Variants in CSMD1 observed in about 807,000 individuals in gnomAD.
CSMD1 encodes CUB and Sushi multiple domains 1, also known as CUB and sushi domain-containing protein 1.
In CSMD1, 213 loss-of-function variants were observed where a neutral mutation model predicts 417.5. That is an observed-to-expected ratio of 0.51 (90% CI 0.46 to 0.57). CSMD1 has a LOEUF of 0.57. Among genes scored for constraint, CSMD1 ranks in the 20% least tolerant of loss-of-function variants. The probability of loss-of-function intolerance (pLI) is 0.00; values close to 1 mark genes in which losing one functional copy is unlikely to be tolerated. For synonymous variants in CSMD1, 2,862 were observed against 1,736.8 expected (o/e 1.65, Z -16.11); for missense variants, 6,923 against 4,529.7 (o/e 1.53, Z -15.17).
intron 8 of CSMD1, among the ~76,000 whole-genome samples, chr8:3,609,391 T>G (rs1287468391): frequency 6.6e-6 from 1 of 152,266 alleles, no homozygotes; most frequent in Non-Finnish European, 1.5e-5. Flanking sequence ...GACAGTGGTC[T>G]ATGGTGAAAA....
Position 3,000,046 on chromosome 8 carries a change from C to G in CSMD1, c.8115G>C (p.Gln2705His), listed in dbSNP as rs545442675. 28 of 1,605,368 alleles carry G rather than the reference C, an allele frequency of 1.7e-5. No homozygotes were observed. Among genetic ancestry groups the G allele is most frequent in the Non-Finnish European group, 2.3e-5 (27 of 1,178,254 alleles). Residue 2705 changes from glutamine (Q) to histidine (H), a missense_variant, in exon 53 of 70, where the codon CAG becomes CAC. Physicochemically the swap from Gln to His is conservative, Grantham distance 24 (BLOSUM62 0). Coordinates refer to ENST00000635120, the MANE Select transcript of CSMD1 (RefSeq NM_033225.6). The part of the protein sequence containing the change: ...GFSYRDTVVY[Q>H]CNPGFRLVGT... ...CCACAAGCCGGAAACCAGGATTGCA[C>G]TGGTAAACCACCGTGTCTCTGTAAC...
chr8:4,263,919 A>C lies in CSMD1; in HGVS notation c.415+156034T>G, dbSNP rs1466319827. Among the ~76,000 whole-genome samples the C allele has an allele frequency of 2.0e-5, 3 of 152,162 alleles. No homozygotes were observed. The East Asian group carries it at 5.8e-4, about 29-fold the overall frequency. ...GACACAATAGTCCTGCAGTTTTCTA[A>C]ATACAGTGTTTTTCTATCTATATAA... On this transcript the variant is annotated intron_variant, in intron 3 of 69. Coordinates refer to ENST00000635120, the MANE Select transcript of CSMD1 (RefSeq NM_033225.6).
chr8:3,680,753 C>G (rs185518496), intron 7 of CSMD1, among the ~76,000 whole-genome samples: 1,916 of 152,200 alleles, frequency 0.013, 21 homozygotes, highest in Non-Finnish European at 0.02. Flanking sequence ...AATTTTAGAC[C>G]AATATCCCTG....
chr8:4,800,083 C>A (rs943063019), intron 1 of CSMD1, among the ~76,000 whole-genome samples: 8 of 152,044 alleles, frequency 5.3e-5, no homozygotes, highest in Non-Finnish European at 1.0e-4. Context: ...AATTGAATAT[C>A]CTGTGTATTT....
At chr8:4,811,695 A>T (rs1208800977) in intron 1 of CSMD1, among the ~76,000 whole-genome samples, 1 of 152,064 alleles carries the variant, frequency 6.6e-6, no homozygotes. Flanking sequence ...GAGTCACAGA[A>T]ATAAGAAAAA....
intron 5 of CSMD1, among the ~76,000 whole-genome samples, chr8:3,988,779 C>T (rs1394015248): frequency 6.6e-6 from 1 of 152,178 alleles, no homozygotes; most frequent in Non-Finnish European, 1.5e-5. Flanking sequence ...TGAAACAATG[C>T]TGATTATGGT....
At chr8:4,603,206 C>T (rs1437073310) in intron 2 of CSMD1, among the ~76,000 whole-genome samples, 3 of 151,962 alleles carry the variant, frequency 2.0e-5, no homozygotes, top group African/African-American at 7.2e-5. Context: ...TGACTGCACA[C>T]CAAAGCAATA....
At chr8:4,421,507 C>A (rs1489578021) in intron 2 of CSMD1, among the ~76,000 whole-genome samples, 1 of 151,934 alleles carries the variant, frequency 6.6e-6, no homozygotes, top group Non-Finnish European at 1.5e-5. Flanking sequence ...ACAGTGGAAT[C>A]AAATTAGAAA....
At chr8:4,023,583 C>CA (rs1796895667) in intron 4 of CSMD1, among the ~76,000 whole-genome samples, 1 of 130,504 alleles carries the variant, frequency 7.7e-6, no homozygotes, top group East Asian at 2.3e-4. Flanking sequence ...TGCTTTTCAA[C>CA]TTTTTTTTTT....
intron 5 of CSMD1, among the ~76,000 whole-genome samples, chr8:3,984,402 G>A (rs185070528): frequency 6.6e-6 from 1 of 152,040 alleles, no homozygotes; most frequent in Non-Finnish European, 1.5e-5. Context: ...TTCTAAACTG[G>A]TGAGTACTTT....
At chr8:4,420,290 C>T (rs1387090070) in intron 2 of CSMD1, among the ~76,000 whole-genome samples, 1 of 151,996 alleles carries the variant, frequency 6.6e-6, no homozygotes. Context: ...AGAATTTCTT[C>T]TTGAAAATAC....
At chr8:4,619,831 T>C (rs1801670282) in intron 2 of CSMD1, among the ~76,000 whole-genome samples, 2 of 152,134 alleles carry the variant, frequency 1.3e-5, no homozygotes, top group South Asian at 2.1e-4. Flanking sequence ...ATATGTTTTG[T>C]TTGGAATTAA....
intron 7 of CSMD1, among the ~76,000 whole-genome samples, chr8:3,678,368 G>C (rs139114539): frequency 2.0e-5 from 3 of 152,166 alleles, no homozygotes; most frequent in Non-Finnish European, 2.9e-5. Context: ...GAAAACCATG[G>C]CACGGGAACT....
intron 6 of CSMD1, among the ~76,000 whole-genome samples, chr8:3,726,569 G>A (rs1178958293): frequency 6.6e-6 from 1 of 152,144 alleles, no homozygotes; most frequent in Non-Finnish European, 1.5e-5. Context: ...CATGTTTTCA[G>A]GAGAAGCAGG....
chr8:3,948,100 G>A (rs1049370720), intron 5 of CSMD1, among the ~76,000 whole-genome samples: 2 of 152,070 alleles, frequency 1.3e-5, no homozygotes, highest in Non-Finnish European at 2.9e-5. Context: ...CAGCTACTCC[G>A]GAGGATGAGG....
At chr8:3,503,790 G>A (rs533815174) in intron 10 of CSMD1, among the ~76,000 whole-genome samples, 2 of 151,828 alleles carry the variant, frequency 1.3e-5, no homozygotes, top group East Asian at 1.9e-4. Context: ...CTAAAAAGCA[G>A]CCCCCCTCTT....
chr8:3,846,970 T>C (rs1803550945), intron 5 of CSMD1, among the ~76,000 whole-genome samples: 1 of 152,164 alleles, frequency 6.6e-6, no homozygotes, highest in Non-Finnish European at 1.5e-5. Context: ...CCACTGCGCC[T>C]GGCCCCAGGA....
intron 1 of CSMD1, among the ~76,000 whole-genome samples, chr8:4,757,732 G>A (rs891683746): frequency 6.6e-6 from 1 of 152,116 alleles, no homozygotes; most frequent in Non-Finnish European, 1.5e-5. Context: ...GGTGAGGCAA[G>A]CAGATCACTT....
At chr8:4,146,853 G>A (rs1004842393) in intron 3 of CSMD1, among the ~76,000 whole-genome samples, 4 of 148,374 alleles carry the variant, frequency 2.7e-5, no homozygotes, top group Non-Finnish European at 2.9e-5. Context: ...CTCGTGATCC[G>A]CCCGCCTCAG....
Sources: gnomAD v4.1 joint callset for allele counts (sites outside exome capture counted in the v4.1 genomes callset) on GRCh38, gnomAD v4.1.1 for gene constraint, MANE v1.5 for transcripts, NCBI Gene and HGNC (gene_info 2026-07-23, HGNC 2026-07-21) for gene names.